The following COL19A1 variants were observed in gnomAD, a reference collection of about 807,000 sequenced individuals.
COL19A1 encodes the protein collagen alpha-1(XIX) chain.
COL19A1 carries 159 observed loss-of-function variants against 190.2 expected under a neutral mutation model. That is an observed-to-expected ratio of 0.84 (90% CI 0.73 to 0.95). The LOEUF (loss-of-function observed/expected upper bound fraction) is 0.95. Among genes scored for constraint, COL19A1 ranks in the 40% least tolerant of loss-of-function variants. The pLI, the probability that COL19A1 is intolerant of heterozygous loss-of-function variation, is 0.00. For synonymous variants in COL19A1, 509 were observed against 458.9 expected (o/e 1.11, Z -1.39); for missense variants, 1,418 against 1,431.9 (o/e 0.99, Z 0.16).
chr6:70,080,228 A>G (rs1476604060), intron 15 of COL19A1, among the ~76,000 whole-genome samples: 1 of 152,222 alleles, frequency 6.6e-6, no homozygotes, highest in African/African-American at 2.4e-5. Context: ...GATTGTTTTC[A>G]GGCCAATAGA....
chr6:69,911,551 T>C (rs1479542610), intron 4 of COL19A1, among the ~76,000 whole-genome samples: 2 of 152,264 alleles, frequency 1.3e-5, no homozygotes, highest in Non-Finnish European at 2.9e-5. Flanking sequence ...GGTGATGCCA[T>C]GCAGAATTAA....
chr6:69,989,466 A>C (rs190674687), intron 11 of COL19A1, among the ~76,000 whole-genome samples: 376 of 151,996 alleles, frequency 2.5e-3, no homozygotes, highest in Non-Finnish European at 4.8e-3. Context: ...CTTTTGATGT[A>C]GATCAAGCTT....
intron 42 of COL19A1, among the ~76,000 whole-genome samples, chr6:70,178,407 A>G (rs903169490): frequency 3.3e-5 from 5 of 152,162 alleles, no homozygotes; most frequent in Non-Finnish European, 5.9e-5. Flanking sequence ...GCACTGACTG[A>G]CAATTACATA....
At chr6:70,143,609 C>G (rs1786406617) in intron 23 of COL19A1, among the ~76,000 whole-genome samples, 1 of 151,960 alleles carries the variant, frequency 6.6e-6, no homozygotes, top group Non-Finnish European at 1.5e-5. Context: ...CCGCTTGAGC[C>G]TCTCCTGTCT....
chr6:70,186,087 G>T (rs990969320), intron 46 of COL19A1, among the ~76,000 whole-genome samples: 6 of 151,802 alleles, frequency 4.0e-5, no homozygotes, highest in African/African-American at 7.3e-5. Context: ...GATATATATT[G>T]ATCTTTTCTT....
chr6:70,168,118 T>G (rs372658461), intron 38 of COL19A1, 43 bp downstream of exon 38: 11 of 1,600,916 alleles, frequency 6.9e-6, no homozygotes, highest in Non-Finnish European at 9.4e-6. Context: ...TATAGACTGC[T>G]GTAAATTCGT....
intron 17 of COL19A1, among the ~76,000 whole-genome samples, chr6:70,127,114 G>T (rs549253779): frequency 1.3e-5 from 2 of 152,290 alleles, no homozygotes; most frequent in East Asian, 3.9e-4. Context: ...AGACAAAAAG[G>T]TGAGGGCAAA....
chr6:70,169,485 G>A (rs1201625278), intron 40 of COL19A1, among the ~76,000 whole-genome samples: 1 of 152,076 alleles, frequency 6.6e-6, no homozygotes, highest in Non-Finnish European at 1.5e-5. Flanking sequence ...AGTACAGTTT[G>A]TTAAAACTCA....
chr6:70,087,368 A>G (rs1782648170), intron 15 of COL19A1, among the ~76,000 whole-genome samples: 1 of 152,148 alleles, frequency 6.6e-6, no homozygotes, highest in South Asian at 2.1e-4. Flanking sequence ...GCAAAGATCT[A>G]AAATAGATGA....
chr6:69,916,522 T>C (rs1298273840), intron 4 of COL19A1, among the ~76,000 whole-genome samples: 2 of 152,218 alleles, frequency 1.3e-5, no homozygotes, highest in African/African-American at 4.8e-5. Context: ...TGTTTTGTGA[T>C]ACTTCCTGAT....
intron 4 of COL19A1, among the ~76,000 whole-genome samples, chr6:69,908,367 T>C (rs1362811551): frequency 6.6e-6 from 1 of 152,020 alleles, no homozygotes; most frequent in African/African-American, 2.4e-5. Context: ...TATATAAGGA[T>C]AGGTGACTTA....
intron 4 of COL19A1, among the ~76,000 whole-genome samples, chr6:69,926,247 T>C (rs1772386697): frequency 6.6e-6 from 1 of 152,106 alleles, no homozygotes; most frequent in Admixed American, 6.6e-5. Flanking sequence ...TTAGAAGATA[T>C]GCAAAAAGAA....
chr6:70,112,573 C>A (rs1784344241), intron 16 of COL19A1, among the ~76,000 whole-genome samples: 1 of 151,920 alleles, frequency 6.6e-6, no homozygotes, highest in South Asian at 2.1e-4. Flanking sequence ...GGGCTTTACA[C>A]CAATTAGGTT....
At chr6:69,885,462 C>T (rs1462066579) in intron 2 of COL19A1, among the ~76,000 whole-genome samples, 1 of 152,114 alleles carries the variant, frequency 6.6e-6, no homozygotes. Context: ...TATCACCTCA[C>T]GTAGTTACTT....
intron 11 of COL19A1, among the ~76,000 whole-genome samples, chr6:69,983,370 T>C (rs1476811581): frequency 6.6e-6 from 1 of 152,184 alleles, no homozygotes; most frequent in Non-Finnish European, 1.5e-5. Context: ...GCCACCTTGC[T>C]TTATTAACTA....
chr6:70,102,994 G>A lies in COL19A1; in HGVS notation c.1278+772G>A, dbSNP rs6920290. Among the ~76,000 whole-genome samples the A allele has an allele frequency of 4.1e-4, 63 of 152,064 alleles. 1 individual carries two copies. In the South Asian group the frequency reaches 0.012, roughly 29 times the overall value. ...CTCCTATGCCTGGGGCCATCTTTTT[G>A]TCTCCATTAACAGCTTTTCTTCTAC... On this transcript the variant is annotated intron_variant, in intron 16 of 50. Coordinates refer to ENST00000620364, the MANE Select transcript of COL19A1 (RefSeq NM_001858.6).
At chr6:69,871,442 T>C (rs2149931841) in intron 1 of COL19A1, among the ~76,000 whole-genome samples, 1 of 152,342 alleles carries the variant, frequency 6.6e-6, no homozygotes, top group East Asian at 1.9e-4. Flanking sequence ...TATTTCCCTT[T>C]ATAATAAATG....
intron 1 of COL19A1, among the ~76,000 whole-genome samples, chr6:69,871,596 C>G (rs898483182): frequency 6.6e-6 from 1 of 152,000 alleles, no homozygotes; most frequent in Admixed American, 6.6e-5. Context: ...TCTCTTTTTT[C>G]ATGGTTCCTT....
At chr6:69,926,297 G>T (rs917524199) in intron 4 of COL19A1, among the ~76,000 whole-genome samples, 1 of 152,114 alleles carries the variant, frequency 6.6e-6, no homozygotes, top group African/African-American at 2.4e-5. Flanking sequence ...GTGGCCAATA[G>T]AAACTGTTTC....
Sources: gnomAD v4.1 joint callset for allele counts (sites outside exome capture counted in the v4.1 genomes callset) on GRCh38, gnomAD v4.1.1 for gene constraint, MANE v1.5 for transcripts, NCBI Gene and HGNC (gene_info 2026-07-23, HGNC 2026-07-21) for gene names.